DOCK3: variants seen among roughly 807,000 people sequenced by gnomAD.
DOCK3 encodes the protein dedicator of cytokinesis protein 3.
Under a neutral mutation model 265.6 loss-of-function variants are expected in DOCK3, and 60 were observed. The observed-to-expected ratio is 0.23, with a 90% confidence interval of 0.18 to 0.28. DOCK3 has a LOEUF of 0.28. Among genes scored for constraint, DOCK3 ranks in the 10% least tolerant of loss-of-function variants. The pLI is 1.00. For missense variants in DOCK3, 1,981 were observed against 2,594.3 expected, an observed-to-expected ratio of 0.76 and a Z score of 5.14; for synonymous variants, 881 against 938.0, an observed-to-expected ratio of 0.94 and a Z score of 1.11.
chr3:50,958,588 T>C (rs1359956388), intron 5 of DOCK3, among the ~76,000 whole-genome samples: 1 of 152,246 alleles, frequency 6.6e-6, no homozygotes, highest in Non-Finnish European at 1.5e-5. Flanking sequence ...TGGTGGGCAG[T>C]GCTGAGCATA....
intron 19 of DOCK3, among the ~76,000 whole-genome samples, chr3:51,230,804 C>T (rs1009844955): frequency 2.6e-5 from 4 of 152,122 alleles, no homozygotes; most frequent in African/African-American, 4.8e-5. Flanking sequence ...CATGAGCCAC[C>T]GCGCCCGACC....
chr3:51,125,079 G>C (rs560256252), intron 9 of DOCK3, among the ~76,000 whole-genome samples: 1 of 151,750 alleles, frequency 6.6e-6, no homozygotes, highest in Non-Finnish European at 1.5e-5. Context: ...CCGAGATCAC[G>C]CCACTGCACT....
chr3:50,941,512 A>G (rs1376592837), intron 5 of DOCK3, among the ~76,000 whole-genome samples: 1 of 152,134 alleles, frequency 6.6e-6, no homozygotes. Flanking sequence ...GACTTTTCTT[A>G]TAAAGTTAAA....
rs1553618112 is a variant in DOCK3 at position 51,380,193 on chromosome 3, C to T, written c.5569C>T (p.Arg1857Trp). The T allele has an allele frequency of 1.1e-5, 17 of 1,613,078 alleles. 1 individual carries two copies. The highest frequency in any genetic ancestry group is 7.7e-5 in the South Asian group (7 of 90,990). ...LGDTPPALPA[R>W]TLRKSPLHPI... ...TGATACCCCCCCAGCCCTCCCTGCC[C>T]GGACCCTGCGCAAGGTAATGTACTG... Residue 1857 changes from arginine to tryptophan, a missense_variant, in exon 52 of 53, where the codon CGG becomes TGG. Physicochemically the swap from Arg to Trp is moderately radical, Grantham distance 101. Around this residue, in one of 4 missense-constraint regions of DOCK3, gnomAD observed 1,357 missense variants for 1,866.8 expected, o/e 0.73. Transcript: ENST00000266037.
At chr3:51,229,179 G>A (rs937713764) in intron 18 of DOCK3, among the ~76,000 whole-genome samples, 8 of 152,244 alleles carry the variant, frequency 5.3e-5, no homozygotes, top group South Asian at 2.1e-4. Context: ...GGCCATGTGC[G>A]GTGGCTCATG....
At chr3:50,854,455 G>A (rs6770954) in intron 3 of DOCK3, among the ~76,000 whole-genome samples, 125,306 of 147,042 alleles carry the variant, frequency 0.85, 53,668 homozygotes, top group East Asian at 0.95. Flanking sequence ...TTGGCGAACA[G>A]GGTCTTGCTC....
chr3:51,152,197 C>CT (rs997614046), intron 10 of DOCK3, among the ~76,000 whole-genome samples: 6 of 151,216 alleles, frequency 4.0e-5, no homozygotes, highest in Non-Finnish European at 7.4e-5. Flanking sequence ...TTTATTTTTA[C>CT]TTTTTTTTTC....
At chr3:50,683,593 T>C (rs555335101) in intron 1 of DOCK3, among the ~76,000 whole-genome samples, 12 of 152,312 alleles carry the variant, frequency 7.9e-5, no homozygotes, top group African/African-American at 2.6e-4. Flanking sequence ...ATGTTTGGGG[T>C]TAGGATGGGC....
intron 22 of DOCK3, among the ~76,000 whole-genome samples, chr3:51,248,279 TAAAAAG>T (rs1004204245): frequency 4.6e-5 from 7 of 152,248 alleles, no homozygotes; most frequent in Non-Finnish European, 4.4e-5. Flanking sequence ...GACTCCATCT[TAAAAAG>T]AAAAAGAGCT....
At chr3:50,921,442 C>T (rs1246198263) in intron 4 of DOCK3, among the ~76,000 whole-genome samples, 1 of 152,142 alleles carries the variant, frequency 6.6e-6, no homozygotes, top group Non-Finnish European at 1.5e-5. Context: ...TCTAGTTAGC[C>T]ATTCGTCTAA....
chr3:51,142,617 A>G (rs2085114235), intron 9 of DOCK3, among the ~76,000 whole-genome samples: 1 of 152,128 alleles, frequency 6.6e-6, no homozygotes. Flanking sequence ...TAGATTATTC[A>G]TTTATCCCCC....
At chr3:50,750,283 T>C (rs1249483323) in intron 1 of DOCK3, among the ~76,000 whole-genome samples, 2 of 151,796 alleles carry the variant, frequency 1.3e-5, no homozygotes, top group Non-Finnish European at 2.9e-5. Flanking sequence ...CAAAAAAGGT[T>C]GGGGACCTCT....
chr3:51,270,335 C>T (rs1423403210), intron 23 of DOCK3, among the ~76,000 whole-genome samples: 1 of 152,196 alleles, frequency 6.6e-6, no homozygotes, highest in East Asian at 1.9e-4. Flanking sequence ...TGGTACAGCT[C>T]TCAGAACTGG....
chr3:51,202,829 T>G (rs1412057712), intron 12 of DOCK3, among the ~76,000 whole-genome samples: 4 of 151,200 alleles, frequency 2.6e-5, no homozygotes, highest in Non-Finnish European at 5.9e-5. Flanking sequence ...CATGATCAAG[T>G]GGGCTTCATG....
chr3:50,800,377 T>C (rs951837610), intron 2 of DOCK3, among the ~76,000 whole-genome samples: 2 of 125,114 alleles, frequency 1.6e-5, no homozygotes, highest in Non-Finnish European at 3.8e-5. Context: ...CTTGTTATTA[T>C]TGTTATTGGT....
rs111743142 is a variant in DOCK3, at chr3:51,086,479, G to A, written c.550-2764G>A. On this transcript the variant is annotated intron_variant, in intron 7 of 52. Coordinates refer to ENST00000266037, the MANE Select transcript of DOCK3 (RefSeq NM_004947.5). The stretch of plus-strand genomic sequence containing the variant: ...CAAAATAAAGTCAGAAACAAAAAAG[G>A]ATACATTGTGGCTGATGCCACAGAA... Among the ~76,000 whole-genome samples, 559 of 152,114 alleles carry A rather than the reference G, an allele frequency of 3.7e-3. 4 individuals are homozygous for A. The highest frequency in any genetic ancestry group is 0.013 in the African/African-American group (537 of 41,506).
At position 50,913,206 on chromosome 3, in the gene DOCK3, C is replaced by T. The variant is rs770100606; in HGVS notation, c.219-20775C>T. Among the ~76,000 whole-genome samples, 8 of 152,034 alleles carry T rather than the reference C, an allele frequency of 5.3e-5. No homozygotes were observed. In the East Asian group the frequency reaches 5.8e-4, roughly 11 times the overall value. On this transcript the variant is annotated intron_variant, in intron 4 of 52. Transcript: ENST00000266037. Reference sequence around the variant, plus strand: ...GAGTGGGTCCTTCCCTTCAAGGCTGCGGGTTTTCTTCTGGCCTGGGTATGT... The same window carrying T: ...GAGTGGGTCCTTCCCTTCAAGGCTGTGGGTTTTCTTCTGGCCTGGGTATGT...
chr3:51,075,706 G>A (rs1314422392), intron 7 of DOCK3, among the ~76,000 whole-genome samples: 1 of 152,084 alleles, frequency 6.6e-6, no homozygotes, highest in Admixed American at 6.6e-5. Flanking sequence ...CCTTCAGCCT[G>A]CAGCATAACT....
chr3:50,767,127 A>G (rs1293400859), intron 1 of DOCK3, among the ~76,000 whole-genome samples: 1 of 151,890 alleles, frequency 6.6e-6, no homozygotes, highest in African/African-American at 2.4e-5. Flanking sequence ...GTTTAATTAG[A>G]TCCCATTTGT....
Sources: allele counts gnomAD v4.1 joint callset (sites outside exome capture counted in the v4.1 genomes callset), GRCh38; gene constraint gnomAD v4.1.1; regional missense constraint gnomAD v4.1.1; transcripts MANE v1.5; gene names NCBI Gene and HGNC (gene_info 2026-07-23, HGNC 2026-07-21).